The following PCNX2 variants were observed in gnomAD, a reference collection of about 807,000 sequenced individuals.
PCNX2 encodes the protein pecanex-like protein 2.
In PCNX2, 168 loss-of-function variants were observed where a neutral mutation model predicts 223.8. That is an observed-to-expected ratio of 0.75 (90% CI 0.66 to 0.85). The LOEUF (loss-of-function observed/expected upper bound fraction) is 0.85, where lower values mean the gene tolerates loss of function less well. Among genes scored for constraint, PCNX2 ranks in the 40% least tolerant of loss-of-function variants. The pLI, the probability that PCNX2 is intolerant of heterozygous loss-of-function variation, is 0.00. For synonymous variants in PCNX2, 1,006 were observed against 1,052.6 expected, an observed-to-expected ratio of 0.96 and a Z score of 0.86; for missense variants, 2,507 against 2,675.5, an observed-to-expected ratio of 0.94 and a Z score of 1.39.
chr1:233,018,154 C>G (rs1670750112), intron 26 of PCNX2, among the ~76,000 whole-genome samples: 2 of 152,078 alleles, frequency 1.3e-5, no homozygotes, highest in South Asian at 4.2e-4. Context: ...TCTAGAGTAA[C>G]TAGGGCTACA....
At chr1:233,240,258 G>T (rs1658675516) in intron 8 of PCNX2, among the ~76,000 whole-genome samples, 1 of 152,216 alleles carries the variant, frequency 6.6e-6, no homozygotes, top group Admixed American at 6.5e-5. Context: ...AGGTGGACAG[G>T]AGCGCAATCT....
intron 9 of PCNX2, 92 bp from the exon 10 acceptor site, chr1:233,227,463 C>T (rs1558367284): frequency 8.8e-5 from 95 of 1,077,878 alleles, no homozygotes; most frequent in South Asian, 1.5e-4. Flanking sequence ...CACACACACA[C>T]ATATATATGT....
rs368544370 is a variant in PCNX2 at position 233,112,627 on chromosome 1, A to C, written c.3838-16764T>G. Among the ~76,000 whole-genome samples the C allele has an allele frequency of 6.6e-5, 10 of 152,326 alleles. No homozygotes were observed. The East Asian group carries it at 1.7e-3, about 26-fold the overall frequency. ...TGAGAATTCTCTCTTTCAGCAGAGA[A>C]TGCTGCAAACTTTTTAAAAAGATGG... On this transcript the variant is annotated intron_variant, in intron 21 of 33. Transcript: ENST00000258229.
chr1:233,220,273 G>A lies in PCNX2; in HGVS notation c.2505-2089C>T, dbSNP rs578217324. On this transcript the variant is annotated intron_variant, in intron 10 of 33. Coordinates refer to ENST00000258229, the MANE Select transcript of PCNX2 (RefSeq NM_014801.4). ...TGTGCAGTGTTTTGCATGGACGTAT[G>A]TTTTCAACTCATTTGGGTAAACACC... Among the ~76,000 whole-genome samples the A allele has an allele frequency of 5.3e-5, 8 of 152,314 alleles. No homozygotes were observed. The East Asian group carries it at 1.5e-3, about 29-fold the overall frequency.
At position 233,235,665 on chromosome 1, in the gene PCNX2, G is replaced by A. The variant is rs1332570744; in HGVS notation, c.2358+1180C>T. ...TGCCCAGGTTGGAGTGCAGTGGCAC[G>A]ACCTTGGCTGATTGCAACCTCCGCC... is the stretch of plus-strand genomic sequence containing the variant. On this transcript the variant is annotated intron_variant, in intron 9 of 33. Transcript: ENST00000258229. Among the ~76,000 whole-genome samples the A allele has an allele frequency of 5.9e-5, 9 of 152,172 alleles. No individual in the cohort carries two copies. In the South Asian group the frequency reaches 1.2e-3, roughly 21 times the overall value.
In PCNX2 at chr1:233,057,291, C is replaced by T; in HGVS notation, c.4077-1G>A. 1.2e-6 allele frequency: 2 copies of T among 1,607,648 alleles called. No homozygotes were observed. The highest frequency in any genetic ancestry group is 1.7e-5 in the Admixed American group (1 of 59,620). On this transcript the variant is annotated splice_acceptor_variant, in intron 23 of 33. Coordinates refer to ENST00000258229, the MANE Select transcript of PCNX2 (RefSeq NM_014801.4). LOFTEE classifies it high-confidence loss of function. The stretch of plus-strand genomic sequence containing the variant: ...GTTGGAATTATCCACTCGCCTTGTA[C>T]TAGAAGAGGCCACAAAAGGGTAAAA...
At chr1:233,069,128 G>A (rs1232606433) in intron 23 of PCNX2, among the ~76,000 whole-genome samples, 2 of 152,112 alleles carry the variant, frequency 1.3e-5, no homozygotes, top group African/African-American at 4.8e-5. Context: ...AACGAACATT[G>A]TATGATAGGA....
chr1:232,989,692 A>T (rs1669627662), intron 32 of PCNX2, among the ~76,000 whole-genome samples: 1 of 152,256 alleles, frequency 6.6e-6, no homozygotes, highest in Non-Finnish European at 1.5e-5. Flanking sequence ...TAAGTAAAGG[A>T]TACACAGGAC....
intron 21 of PCNX2, among the ~76,000 whole-genome samples, chr1:233,112,339 A>G (rs1175476534): frequency 6.6e-6 from 1 of 152,182 alleles, no homozygotes; most frequent in Non-Finnish European, 1.5e-5. Context: ...CACCAGATTG[A>G]GTTCTCTATT....
the PCNX2 span, among the ~76,000 whole-genome samples, chr1:233,321,013 C>CCTTT: frequency 1.3e-4 from 9 of 70,366 alleles, no homozygotes; most frequent in Admixed American, 4.2e-4. Context: ...AAAATGTCTT[C>CCTTT]TTTTTTTTTT....
intron 25 of PCNX2, 140 bp downstream of exon 25, chr1:233,054,128 A>T: frequency 5.9e-6 from 4 of 682,524 alleles, no homozygotes; most frequent in Non-Finnish European, 1.0e-5. Flanking sequence ...TATTTATATC[A>T]AGGTAGTGGT....
chr1:233,167,897 G>C (rs1358563705), intron 17 of PCNX2: 1 of 816,748 alleles, frequency 1.2e-6, no homozygotes, highest in Non-Finnish European at 1.5e-6. Flanking sequence ...AATATATGTA[G>C]GTTTTTTCAG....
chr1:233,065,182 A>G (rs1672549104), intron 23 of PCNX2, among the ~76,000 whole-genome samples: 1 of 152,122 alleles, frequency 6.6e-6, no homozygotes, highest in Admixed American at 6.5e-5. Flanking sequence ...CGGCAACCAC[A>G]CTGTGTTCAG....
intron 15 of PCNX2, among the ~76,000 whole-genome samples, chr1:233,182,693 A>C (rs955405678): frequency 5.3e-5 from 8 of 152,048 alleles, no homozygotes; most frequent in African/African-American, 1.2e-4. Flanking sequence ...CTTTGCCTAC[A>C]TGGTTCCATC....
intron 23 of PCNX2, among the ~76,000 whole-genome samples, chr1:233,061,811 T>A (rs1438064463): frequency 6.6e-6 from 1 of 152,092 alleles, no homozygotes; most frequent in Non-Finnish European, 1.5e-5. Flanking sequence ...CAGGCTGGAG[T>A]GCAGTGGTGC....
At chr1:232,998,813 G>A (rs1017625094) in intron 31 of PCNX2, among the ~76,000 whole-genome samples, 2 of 152,212 alleles carry the variant, frequency 1.3e-5, no homozygotes, top group African/African-American at 4.8e-5. Context: ...CTTGCTAACA[G>A]ATGTGGAATG....
intron 30 of PCNX2, 128 bp from the exon 31 acceptor site, chr1:232,999,507 G>GCAA: frequency 1.8e-6 from 2 of 1,081,444 alleles, no homozygotes; most frequent in Non-Finnish European, 2.6e-6. Flanking sequence ...AGGCTGGAGT[G>GCAA]CAATGGTGCA....
rs948327994 is a variant in PCNX2 at position 233,139,135 on chromosome 1, T to A, written c.3659+579A>T. 6.6e-6 allele frequency among the ~76,000 whole-genome samples: 1 copy of A among 152,228 alleles called. No homozygotes were observed. Among genetic ancestry groups the A allele is most frequent in the South Asian group, 2.1e-4 (1 of 4,832 alleles). ...CTACAGATTATCAAGGAGATTTCCA[T>A]GTTGTAAATTCAGAATTAATTTTAA... On this transcript the variant is annotated intron_variant, in intron 20 of 33. Transcript: ENST00000258229. This position sits in a 1 kb window ranked among gnomAD's most constrained non-coding sequence, Gnocchi z 4.4.
At chr1:233,144,693 T>C (rs547401514) in intron 19 of PCNX2, among the ~76,000 whole-genome samples, 2 of 152,206 alleles carry the variant, frequency 1.3e-5, no homozygotes, top group African/African-American at 4.8e-5. Context: ...GTGAAGTAGT[T>C]CTTCATTCTG....
Sources: allele counts gnomAD v4.1 joint callset (sites outside exome capture counted in the v4.1 genomes callset), GRCh38; gene constraint gnomAD v4.1.1; non-coding constraint Gnocchi (gnomAD v3.1); transcripts MANE v1.5; gene names NCBI Gene and HGNC (gene_info 2026-07-23, HGNC 2026-07-21).